Variants in CELF2 observed in about 807,000 individuals in gnomAD.
CELF2 encodes CUG triplet repeat RNA-binding protein 2.
A neutral mutation model predicts 62.6 loss-of-function variants in CELF2; 8 were observed. That is an observed-to-expected ratio of 0.13 (90% CI 0.07 to 0.23). The LOEUF is 0.23. Ranked by LOEUF, CELF2 falls within the 10% of genes least tolerant of loss-of-function variation. The pLI is 1.00. For missense variants in CELF2, 333 were observed against 671.0 expected, an observed-to-expected ratio of 0.50 and a Z score of 5.56; for synonymous variants, 258 against 250.0, an observed-to-expected ratio of 1.03 and a Z score of -0.30.
chr10:10,670,984 T>C, the CELF2 span, among the ~76,000 whole-genome samples: 1 of 151,984 alleles, frequency 6.6e-6, no homozygotes, highest in Non-Finnish European at 1.5e-5. Context: ...CTAGGCAACA[T>C]GGCAAAACCC....
intron 1 of CELF2, among the ~76,000 whole-genome samples, chr10:10,863,714 T>C (rs1294413975): frequency 1.3e-5 from 2 of 152,142 alleles, no homozygotes; most frequent in African/African-American, 4.8e-5. Flanking sequence ...CAATTAGCCC[T>C]CATAAGTGAC....
In CELF2 at chr10:11,165,700, G is replaced by A. The variant is rs1281143418; in HGVS notation, c.271+18G>A. On this transcript the variant is annotated intron_variant, in intron 2 of 12. Transcript: ENST00000633077. The surrounding 1 kb of genome is among the most constrained non-coding windows in gnomAD (Gnocchi z 7.4). ...GAGTAAAGGTACAGAGCGCGGGGCG[G>A]GGGTCGCCAGGCGTCCAGGTGGGCG... 8.1e-6 allele frequency: 13 copies of A among 1,597,312 alleles called. No homozygotes were observed. The highest frequency in any genetic ancestry group is 1.1e-5 in the Non-Finnish European group (13 of 1,171,964).
At chr10:10,825,595 A>T (rs2057326274) in intron 1 of CELF2, among the ~76,000 whole-genome samples, 1 of 152,164 alleles carries the variant, frequency 6.6e-6, no homozygotes, top group Non-Finnish European at 1.5e-5. Flanking sequence ...TAATATTTGC[A>T]CATGTGCTTA....
chr10:11,284,176 A>G (rs201333477), intron 8 of CELF2, among the ~76,000 whole-genome samples: 3,498 of 65,842 alleles, frequency 0.053, 64 homozygotes, highest in East Asian at 0.093. Flanking sequence ...TGGTGGGTGG[A>G]TGAGGGATGA....
At chr10:10,532,891 A>AC in the CELF2 span, among the ~76,000 whole-genome samples, 2 of 148,660 alleles carry the variant, frequency 1.3e-5, no homozygotes, top group East Asian at 4.1e-4. Context: ...AATCTCAAAA[A>AC]AAAAAAAAAA....
chr10:10,694,448 G>A, the CELF2 span, among the ~76,000 whole-genome samples: 812 of 151,902 alleles, frequency 5.3e-3, 2 homozygotes, highest in Non-Finnish European at 7.5e-3. Context: ...GGTCAATTTT[G>A]GAATTGGTGT....
At chr10:10,691,380 C>T in the CELF2 span, among the ~76,000 whole-genome samples, 1 of 147,454 alleles carries the variant, frequency 6.8e-6, no homozygotes, top group Admixed American at 6.7e-5. Context: ...TGTATATGTG[C>T]CACATTTTCT....
chr10:10,508,304 C>T, the CELF2 span, among the ~76,000 whole-genome samples: 15 of 152,224 alleles, frequency 9.9e-5, no homozygotes, highest in Admixed American at 9.2e-4. Context: ...CTGAGTGACT[C>T]GCAATACTAC....
intron 1 of CELF2, among the ~76,000 whole-genome samples, chr10:11,107,515 A>G (rs552649380): frequency 6.0e-4 from 91 of 152,234 alleles, no homozygotes; most frequent in African/African-American, 2.0e-3. Context: ...GATTAGTTGT[A>G]GTTTGAATTC....
intron 1 of CELF2, among the ~76,000 whole-genome samples, chr10:11,109,445 A>G (rs1469696275): frequency 6.6e-6 from 1 of 152,202 alleles, no homozygotes; most frequent in Non-Finnish European, 1.5e-5. Context: ...TTGAGTTTCT[A>G]TCTAGAATTC....
the CELF2 span, among the ~76,000 whole-genome samples, chr10:10,468,757 C>T: frequency 6.6e-6 from 1 of 151,976 alleles, no homozygotes; most frequent in South Asian, 2.1e-4. Context: ...CTCCTTTAAA[C>T]AAGTTATCCA....
intron 2 of CELF2, among the ~76,000 whole-genome samples, chr10:10,941,171 C>G (rs1350486150): frequency 6.6e-6 from 1 of 152,158 alleles, no homozygotes; most frequent in East Asian, 1.9e-4. Flanking sequence ...GAAACAAGAG[C>G]AGAAGGAGCT....
At chr10:10,944,610 GT>G (rs796712594) in intron 2 of CELF2, among the ~76,000 whole-genome samples, 2 of 150,320 alleles carry the variant, frequency 1.3e-5, no homozygotes, top group East Asian at 2.0e-4. Context: ...TTTTTCTTTT[GT>G]TTTTTTTTGT....
the CELF2 span, among the ~76,000 whole-genome samples, chr10:10,520,279 G>A: frequency 1.3e-5 from 2 of 152,118 alleles, no homozygotes; most frequent in African/African-American, 4.8e-5. Flanking sequence ...ACCTGACCCT[G>A]GTTCAACATT....
At chr10:10,991,442 T>C (rs1056838478) in intron 2 of CELF2, among the ~76,000 whole-genome samples, 21 of 152,220 alleles carry the variant, frequency 1.4e-4, no homozygotes, top group Admixed American at 1.2e-3. Flanking sequence ...TGCAGAGACC[T>C]CTGGTAACCA....
the CELF2 span, among the ~76,000 whole-genome samples, chr10:10,661,593 A>G: frequency 2.6e-5 from 4 of 152,350 alleles, no homozygotes; most frequent in African/African-American, 7.2e-5. Flanking sequence ...CATTTTTAAC[A>G]AATGAGGTAT....
At chr10:10,806,484 A>C (rs1415556584) in intron 1 of CELF2, among the ~76,000 whole-genome samples, 1 of 152,168 alleles carries the variant, frequency 6.6e-6, no homozygotes, top group Non-Finnish European at 1.5e-5. Context: ...GATTACAGGC[A>C]TGAGCCACTG....
chr10:11,262,206 G>C (rs1489831913), intron 5 of CELF2, among the ~76,000 whole-genome samples: 2 of 152,162 alleles, frequency 1.3e-5, no homozygotes, highest in Admixed American at 1.3e-4. Context: ...GTACAGACTG[G>C]ATTTAGCTAT....
chr10:11,312,624 G>T (rs2094624979), intron 9 of CELF2, among the ~76,000 whole-genome samples: 1 of 152,200 alleles, frequency 6.6e-6, no homozygotes, highest in African/African-American at 2.4e-5. Context: ...CAAAGTAGTA[G>T]AGAGGGGAAA....
Sources: gnomAD v4.1 joint callset for allele counts (sites outside exome capture counted in the v4.1 genomes callset) on GRCh38, gnomAD v4.1.1 for gene constraint, Gnocchi (gnomAD v3.1) non-coding constraint, MANE v1.5 for transcripts, NCBI Gene and HGNC (gene_info 2026-07-23, HGNC 2026-07-21) for gene names.